NELL1: variants seen among roughly 807,000 people sequenced by gnomAD.
NELL1 encodes the protein neural EGFL like 1, also known as protein kinase C-binding protein NELL1.
A neutral mutation model predicts 107.4 loss-of-function variants in NELL1; 76 were observed. The observed-to-expected ratio is 0.71, with a 90% CI of 0.59 to 0.86. The LOEUF (loss-of-function observed/expected upper bound fraction) is 0.86, where lower values mean the gene tolerates loss of function less well. Ranked by LOEUF, NELL1 falls within the 40% of genes least tolerant of loss-of-function variation. The probability of loss-of-function intolerance (pLI) is 0.00; values close to 1 mark genes in which losing one functional copy is unlikely to be tolerated. For missense variants in NELL1, 1,024 were observed against 1,005.5 expected, an observed-to-expected ratio of 1.02 and a Z score of -0.25; for synonymous variants, 353 against 341.2, an observed-to-expected ratio of 1.03 and a Z score of -0.38.
chr11:20,779,272 A>G (rs1054025085), intron 2 of NELL1, among the ~76,000 whole-genome samples: 3 of 152,196 alleles, frequency 2.0e-5, no homozygotes, highest in African/African-American at 7.2e-5. Context: ...AGGTGGCATG[A>G]TACGCACATT....
chr11:21,320,825 A>G (rs374320053), intron 14 of NELL1, among the ~76,000 whole-genome samples: 4 of 152,322 alleles, frequency 2.6e-5, no homozygotes, highest in Non-Finnish European at 1.5e-5. Flanking sequence ...TATGCTTTCT[A>G]TGCACATTTA....
intron 15 of NELL1, among the ~76,000 whole-genome samples, chr11:21,472,874 T>C (rs1413323005): frequency 1.7e-4 from 26 of 151,832 alleles, no homozygotes; most frequent in Non-Finnish European, 1.3e-4. Flanking sequence ...TCTTTCCTTC[T>C]ATTTAAGCCA....
In NELL1 at chr11:21,263,504, T is replaced by C. The variant is rs192272015; in HGVS notation, c.1549+34050T>C. Reference sequence around the variant, plus strand: ...AGCATTCTGATTGCCATATACACTTTCACTGATTTCCCGGTATTCAATATG... The same window carrying C: ...AGCATTCTGATTGCCATATACACTTCCACTGATTTCCCGGTATTCAATATG... On this transcript the variant is annotated intron_variant, in intron 14 of 19. Coordinates refer to ENST00000357134, the MANE Select transcript of NELL1 (RefSeq NM_006157.5). Among the ~76,000 whole-genome samples the C allele has an allele frequency of 8.2e-4, 125 of 152,112 alleles. No individual in the cohort carries two copies. The East Asian group carries it at 0.013, about 16-fold the overall frequency.
At chr11:21,552,350 A>C (rs975874080) in intron 16 of NELL1, among the ~76,000 whole-genome samples, 2 of 151,750 alleles carry the variant, frequency 1.3e-5, no homozygotes, top group African/African-American at 4.8e-5. Context: ...AATGGAGTAG[A>C]CAAAATCATT....
At chr11:20,901,124 A>T (rs1370266813) in intron 5 of NELL1, among the ~76,000 whole-genome samples, 2 of 152,066 alleles carry the variant, frequency 1.3e-5, no homozygotes. Context: ...CTTACCAGCA[A>T]AATAAGTAAA....
intron 12 of NELL1, among the ~76,000 whole-genome samples, chr11:21,073,413 G>A (rs1442295498): frequency 6.6e-6 from 1 of 152,134 alleles, no homozygotes; most frequent in East Asian, 1.9e-4. Context: ...GGAATCTATG[G>A]TTGGATATAT....
rs553165199 is a variant in NELL1 at position 20,768,743 on chromosome 11, G to A, written c.185-14937G>A. On this transcript the variant is annotated intron_variant, in intron 2 of 19. Coordinates refer to ENST00000357134, the MANE Select transcript of NELL1 (RefSeq NM_006157.5). The stretch of plus-strand genomic sequence containing the variant: ...ATTCTATGCTGCTTGTGTTGGAGAT[G>A]GAGGAAGAAGACACGACCCAAGGGA... 2.0e-5 allele frequency among the ~76,000 whole-genome samples: 3 copies of A among 152,218 alleles called. No individual in the cohort carries two copies. The South Asian group carries it at 6.2e-4, about 32-fold the overall frequency.
chr11:21,360,822 C>G (rs542972823), intron 14 of NELL1, among the ~76,000 whole-genome samples: 1 of 152,288 alleles, frequency 6.6e-6, no homozygotes, highest in South Asian at 2.1e-4. Context: ...CACAGAATAT[C>G]TTTATCTGCT....
At chr11:21,573,583 C>G (rs926722950) in intron 19 of NELL1, among the ~76,000 whole-genome samples, 174 bp downstream of exon 19, 1 of 151,812 alleles carries the variant, frequency 6.6e-6, no homozygotes, top group Non-Finnish European at 1.5e-5. Context: ...TAGCTGCACC[C>G]TGTAAAAAGG....
At chr11:20,677,382 C>A (rs576943541) in intron 1 of NELL1, among the ~76,000 whole-genome samples, 1 of 152,106 alleles carries the variant, frequency 6.6e-6, no homozygotes, top group Non-Finnish European at 1.5e-5. Flanking sequence ...AATCTTGTAT[C>A]CGCAGTCACC....
chr11:20,783,503 A>G (rs1271933102), intron 2 of NELL1, among the ~76,000 whole-genome samples, 177 bp from the exon 3 acceptor site: 2 of 152,192 alleles, frequency 1.3e-5, no homozygotes, highest in East Asian at 1.9e-4. Context: ...AACTATTGAC[A>G]GAAGAGGAAA....
rs571380238 is a variant in NELL1, at chr11:21,178,670, G to T, written c.1427-50662G>T. Among the ~76,000 whole-genome samples, 106 of 151,330 alleles carry T rather than the reference G, an allele frequency of 7.0e-4. 1 individual carries two copies. The highest frequency in any genetic ancestry group is 2.2e-3 in the Admixed American group (33 of 15,196). On this transcript the variant is annotated intron_variant, in intron 13 of 19. Transcript: ENST00000357134. The stretch of plus-strand genomic sequence containing the variant: ...CCCCAGCTACTCAGGAGGCGGAGAT[G>T]AGAGGATGGCCTGAGCCCAAGAGAT...
At chr11:20,986,037 C>T (rs1851846375) in intron 12 of NELL1, among the ~76,000 whole-genome samples, 1 of 152,140 alleles carries the variant, frequency 6.6e-6, no homozygotes, top group Non-Finnish European at 1.5e-5. Context: ...ATGCTATGAG[C>T]TACACTTGAT....
chr11:21,435,171 C>A (rs923372705), intron 15 of NELL1, among the ~76,000 whole-genome samples: 2 of 151,748 alleles, frequency 1.3e-5, no homozygotes, highest in African/African-American at 4.8e-5. Context: ...TATTTTTTTT[C>A]TCTAGGCTAT....
At chr11:20,854,402 C>G (rs570279587) in intron 4 of NELL1, among the ~76,000 whole-genome samples, 9 of 152,142 alleles carry the variant, frequency 5.9e-5, no homozygotes, top group Admixed American at 2.6e-4. Context: ...GCTTGCATTC[C>G]CCTCCCCCTT....
At chr11:21,122,544 T>G (rs942166228) in intron 13 of NELL1, among the ~76,000 whole-genome samples, 3 of 152,192 alleles carry the variant, frequency 2.0e-5, no homozygotes, top group Non-Finnish European at 2.9e-5. Context: ...CCTTAAGATT[T>G]TTTCTTTTGC....
chr11:21,207,343 G>T (rs1857410826), intron 13 of NELL1, among the ~76,000 whole-genome samples: 1 of 152,152 alleles, frequency 6.6e-6, no homozygotes, highest in South Asian at 2.1e-4. Context: ...AGGTCACAAA[G>T]TGAGCAGGTG....
At chr11:21,228,321 G>T (rs1857946081) in intron 13 of NELL1, among the ~76,000 whole-genome samples, 1 of 152,108 alleles carries the variant, frequency 6.6e-6, no homozygotes, top group Non-Finnish European at 1.5e-5. Context: ...GGTTAGATCG[G>T]TTTCCCTCCA....
chr11:21,464,846 A>G (rs1853987858), intron 15 of NELL1, among the ~76,000 whole-genome samples: 3 of 152,176 alleles, frequency 2.0e-5, no homozygotes. Flanking sequence ...TAAACCAGAC[A>G]CCAGTTTAAT....
Sources: gnomAD v4.1 joint callset for allele counts (sites outside exome capture counted in the v4.1 genomes callset) on GRCh38, gnomAD v4.1.1 for gene constraint, MANE v1.5 for transcripts, NCBI Gene and HGNC (gene_info 2026-07-23, HGNC 2026-07-21) for gene names.